Variants in PPARGC1A observed in about 807,000 individuals in gnomAD.
The protein encoded by PPARGC1A is peroxisome proliferator-activated receptor gamma coactivator 1-alpha.
In PPARGC1A, 25 loss-of-function variants were observed where a neutral mutation model predicts 88.7. The ratio of observed to expected loss-of-function variants is 0.28; its 90% CI spans 0.21 to 0.39. The LOEUF (loss-of-function observed/expected upper bound fraction) is 0.39. Ranked by LOEUF, PPARGC1A falls within the 10% of genes least tolerant of loss-of-function variation. The pLI is 1.00. For synonymous variants in PPARGC1A, 363 were observed against 355.6 expected (o/e 1.02, Z -0.24); for missense variants, 880 against 968.7 (o/e 0.91, Z 1.22).
At chr4:24,390,267 G>T in the PPARGC1A span, among the ~76,000 whole-genome samples, 10 of 151,986 alleles carry the variant, frequency 6.6e-5, no homozygotes, top group African/African-American at 1.2e-4. Flanking sequence ...ATGAAGAGAA[G>T]ATCACTATTT....
intron 2 of PPARGC1A, among the ~76,000 whole-genome samples, chr4:23,839,516 TCAGGAGAATTAATC>T (rs1726666792): frequency 1.3e-5 from 2 of 152,106 alleles, no homozygotes; most frequent in Non-Finnish European, 2.9e-5. Context: ...AGACTGGAAG[TCAGGAGAATTAATC>T]CTAGATCCAT....
chr4:24,161,342 C>A, the PPARGC1A span, among the ~76,000 whole-genome samples: 1 of 152,218 alleles, frequency 6.6e-6, no homozygotes, highest in African/African-American at 2.4e-5. Context: ...CAACTCATCA[C>A]AATTCATCCC....
At chr4:24,397,288 A>G in the PPARGC1A span, among the ~76,000 whole-genome samples, 1 of 152,198 alleles carries the variant, frequency 6.6e-6, no homozygotes, top group Admixed American at 6.5e-5. Context: ...AATTTTCCTG[A>G]AAACAATGTA....
the PPARGC1A span, among the ~76,000 whole-genome samples, chr4:24,395,260 T>C: frequency 6.6e-6 from 1 of 152,246 alleles, no homozygotes; most frequent in Non-Finnish European, 1.5e-5. Context: ...TAATGAAAGC[T>C]AATTATTATG....
chr4:24,013,088 G>A, the PPARGC1A span, among the ~76,000 whole-genome samples: 2 of 152,096 alleles, frequency 1.3e-5, no homozygotes, highest in African/African-American at 2.4e-5. Flanking sequence ...CTCCCTAGTT[G>A]TGTTTAGCAC....
At chr4:24,445,580 C>G in the PPARGC1A span, among the ~76,000 whole-genome samples, 1 of 152,172 alleles carries the variant, frequency 6.6e-6, no homozygotes, top group African/African-American at 2.4e-5. Context: ...ATATGTGAAG[C>G]TTCGCACTGA....
the PPARGC1A span, among the ~76,000 whole-genome samples, chr4:23,983,218 T>C: frequency 6.6e-6 from 1 of 152,230 alleles, no homozygotes; most frequent in African/African-American, 2.4e-5. Context: ...ATAAAGGAAA[T>C]AAATTATATA....
At chr4:24,090,230 T>TG in the PPARGC1A span, among the ~76,000 whole-genome samples, 1 of 152,218 alleles carries the variant, frequency 6.6e-6, no homozygotes, top group African/African-American at 2.4e-5. Flanking sequence ...TTTGGACCCC[T>TG]GGAGACCCAC....
chr4:24,206,840 T>TA, the PPARGC1A span, among the ~76,000 whole-genome samples: 72 of 43,672 alleles, frequency 1.6e-3, 1 homozygote, highest in African/African-American at 5.1e-3. Flanking sequence ...GACTTCACCT[T>TA]AAAAAAAAAA....
the PPARGC1A span, among the ~76,000 whole-genome samples, chr4:24,279,008 C>A: frequency 2.0e-5 from 3 of 152,188 alleles, no homozygotes; most frequent in African/African-American, 7.2e-5. Flanking sequence ...GTTCCTGGAC[C>A]AAGAAGGAAA....
chr4:24,217,552 C>T, the PPARGC1A span, among the ~76,000 whole-genome samples: 1 of 152,148 alleles, frequency 6.6e-6, no homozygotes, highest in Non-Finnish European at 1.5e-5. Context: ...TCTGTAATCC[C>T]AGCACCTTGG....
upstream of PPARGC1A, among the ~76,000 whole-genome samples, chr4:23,903,639 C>T (rs1409410864): frequency 2.0e-5 from 3 of 151,992 alleles, no homozygotes; most frequent in Non-Finnish European, 4.4e-5. Flanking sequence ...GAATTCTCCC[C>T]CAGAAAACTG....
the PPARGC1A span, among the ~76,000 whole-genome samples, chr4:24,084,457 C>T: frequency 1.4e-4 from 22 of 152,292 alleles, no homozygotes; most frequent in Middle Eastern, 3.4e-3. Context: ...TCTCCACCTC[C>T]GGGGAGGAGA....
At chr4:24,295,072 A>G in the PPARGC1A span, among the ~76,000 whole-genome samples, 109 of 152,314 alleles carry the variant, frequency 7.2e-4, 1 homozygote, top group African/African-American at 2.4e-3. Flanking sequence ...CTCTCCAATT[A>G]ATGCAACGCT....
chr4:24,229,513 A>G, the PPARGC1A span, among the ~76,000 whole-genome samples: 187 of 151,754 alleles, frequency 1.2e-3, 4 homozygotes, highest in East Asian at 0.034. Flanking sequence ...ACCCACTGGT[A>G]TACCCCTCAA....
At chr4:24,431,124 CAAAAAAAAAAAAA>C in the PPARGC1A span, among the ~76,000 whole-genome samples, 1 of 72,556 alleles carries the variant, frequency 1.4e-5, no homozygotes, top group African/African-American at 5.2e-5. Flanking sequence ...GACTCCATCT[CAAAAAAAAAAAAA>C]AAAAAGAGAA....
chr4:24,188,781 A>C, the PPARGC1A span, among the ~76,000 whole-genome samples: 4 of 152,132 alleles, frequency 2.6e-5, no homozygotes, highest in African/African-American at 4.8e-5. Context: ...ATGATCTAGC[A>C]ATTCCACTTC....
the PPARGC1A span, among the ~76,000 whole-genome samples, chr4:24,424,909 G>A: frequency 6.6e-6 from 1 of 152,156 alleles, no homozygotes; most frequent in Non-Finnish European, 1.5e-5. Flanking sequence ...GAGCCAGTCG[G>A]CACTTTGAAA....
At chr4:23,882,086 C>T (rs1369232716) in intron 2 of PPARGC1A, 1 of 152,244 alleles carries the variant, frequency 6.6e-6, no homozygotes, top group Non-Finnish European at 1.5e-5. Context: ...TCATGCCATG[C>T]AAATACTCCT....
Sources: allele counts gnomAD v4.1 joint callset (sites outside exome capture counted in the v4.1 genomes callset), GRCh38; gene constraint gnomAD v4.1.1; transcripts MANE v1.5; gene names NCBI Gene and HGNC (gene_info 2026-07-23, HGNC 2026-07-21).